RBIS: variants seen among roughly 807,000 people sequenced by gnomAD.
RBIS encodes the protein ribosome biogenesis factor identified in screen.
Under a neutral mutation model 9.8 loss-of-function variants are expected in RBIS, and 9 were observed. The ratio of observed to expected loss-of-function variants is 0.92; its 90% CI spans 0.56 to 1.61. The LOEUF (loss-of-function observed/expected upper bound fraction) is 1.61, where lower values mean the gene tolerates loss of function less well. Ranked by LOEUF, RBIS falls within the 40% of genes most tolerant of loss-of-function variation. The pLI is 0.00. For missense variants in RBIS, 103 were observed against 116.0 expected, an observed-to-expected ratio of 0.89 and a Z score of 0.51; for synonymous variants, 35 against 37.9, an observed-to-expected ratio of 0.92 and a Z score of 0.28.
chr8:85,217,847 A>T, intron 1 of RBIS: 1 of 209,614 alleles, frequency 4.8e-6, no homozygotes. Flanking sequence ...CTACTATGCT[A>T]TTCTGGTTCC....
In RBIS at chr8:85,217,432, A is replaced by C. The variant is rs1366273163; in HGVS notation, c.68T>G (p.Phe23Cys). 6.2e-7 allele frequency: 1 copy of C among 1,612,932 alleles called. No homozygotes were observed. Among genetic ancestry groups the C allele is most frequent in the Admixed American group, 1.7e-5 (1 of 60,014 alleles). Residue 23 changes from phenylalanine to cysteine, a missense_variant, in exon 2 of 4, where the codon TTT becomes TGT. Phe to Cys is a radical substitution (Grantham distance 205, BLOSUM62 -2). Coordinates refer to ENST00000619594, the MANE Select transcript of RBIS (RefSeq NM_001099673.3). ...NVFHIASQKN[F>C]KAKNKAKPVT... ...TGGTTTTGCTTTGTTTTTAGCCTTA[A>C]AGTTTTTTTGGCTGGCTATGTGAAA...
chr8:85,215,097 T>C (rs534051233), intron 2 of RBIS, 60 bp from the exon 3 acceptor site: 2 of 677,010 alleles, frequency 3.0e-6, no homozygotes, highest in South Asian at 4.2e-5. Flanking sequence ...ATAAGATATA[T>C]TCAACCTTAA....
rs551320541 is a variant in RBIS at position 85,218,257 on chromosome 8, C to T, written c.-3-755G>A. On this transcript the variant is annotated intron_variant, in intron 1 of 3. Transcript: ENST00000619594. Reference sequence around the variant, plus strand: ...TCCTTACAACCCTTTGTAAGAAGTACTATTATCCCCATTTTAAAGATTAAA... The same window carrying T: ...TCCTTACAACCCTTTGTAAGAAGTATTATTATCCCCATTTTAAAGATTAAA... Among the ~76,000 whole-genome samples, 6 of 152,142 alleles carry T rather than the reference C, an allele frequency of 3.9e-5. No homozygotes were observed. In the South Asian group the frequency reaches 1.2e-3, roughly 32 times the overall value.
Position 85,214,473 on chromosome 8 carries a change from G to T in RBIS, c.*87C>A. The T allele has an allele frequency of 2.2e-6, 2 of 917,766 alleles. No individual in the cohort carries two copies. The highest frequency in any genetic ancestry group is 3.5e-6 in the Non-Finnish European group (2 of 566,430). 56.9% of individuals were successfully genotyped at this position (917,766 alleles called of 1,614,324 possible). A position where few individuals can be genotyped will look rare whatever the true frequency, so the allele number is the denominator to read the frequency against. Reference sequence around the variant, plus strand: ...TTGTTTTTAAAATGTGCCAATGCCTGTACATTAACAAGATTTTTAAAAATA... The same window carrying T: ...TTGTTTTTAAAATGTGCCAATGCCTTTACATTAACAAGATTTTTAAAAATA... On this transcript the variant is annotated 3_prime_UTR_variant, in exon 4 of 4. Transcript: ENST00000619594.
At chr8:85,215,488 C>T (rs576873847) in intron 2 of RBIS, 3 of 152,342 alleles carry the variant, frequency 2.0e-5, no homozygotes, top group Non-Finnish European at 2.9e-5. Context: ...ACTTTCTGCT[C>T]CAGAGGAGTG....
In RBIS at chr8:85,214,582, G is replaced by A. The variant is rs748866461; in HGVS notation, c.281C>T (p.Thr94Ile). 10 of 1,577,350 alleles carry A rather than the reference G, an allele frequency of 6.3e-6. No homozygotes were observed. The Admixed American group carries it at 1.2e-4, about 18-fold the overall frequency. ...ATATTACAACAGAGCCATTAATCTT[G>A]TAGCTTCATCAACATTAACTGGTTT... ...ESKPVNVDEA[T>I]RLMALL Residue 94 changes from threonine to isoleucine, a missense_variant, in exon 4 of 4, where the codon ACA (threonine) becomes ATA (isoleucine). Coordinates refer to ENST00000619594, the MANE Select transcript of RBIS (RefSeq NM_001099673.3).
Position 85,214,438 on chromosome 8 carries a change from T to C in RBIS, c.*122A>G. 1 of 716,234 alleles carries C rather than the reference T, an allele frequency of 1.4e-6. No individual in the cohort carries two copies. The highest frequency in any genetic ancestry group is 1.8e-5 in the African/African-American group (1 of 55,400). 44.4% of individuals were successfully genotyped at this position (716,234 alleles called of 1,614,324 possible). ...TTTCCTAGGTTATAGGAAAGATCTGTTTATGTAGTTTGTTTTTAAAATGTG... is the reference window on the plus strand; with the variant it reads ...TTTCCTAGGTTATAGGAAAGATCTGCTTATGTAGTTTGTTTTTAAAATGTG... On this transcript the variant is annotated 3_prime_UTR_variant, in exon 4 of 4. Coordinates refer to ENST00000619594, the MANE Select transcript of RBIS (RefSeq NM_001099673.3).
At chr8:85,217,859 A>G (rs770706170) in intron 1 of RBIS, among the ~76,000 whole-genome samples, 12 of 152,184 alleles carry the variant, frequency 7.9e-5, no homozygotes, top group African/African-American at 2.4e-4. Flanking sequence ...TCTGGTTCCT[A>G]TCATACTTTA....
chr8:85,218,421 A>C (rs1813229619), intron 1 of RBIS, among the ~76,000 whole-genome samples: 1 of 152,086 alleles, frequency 6.6e-6, no homozygotes, highest in Non-Finnish European at 1.5e-5. Context: ...TAAATATAAA[A>C]GCTATACAAA....
chr8:85,214,517 A>T lies in RBIS; in HGVS notation c.*43T>A. On this transcript the variant is annotated 3_prime_UTR_variant, in exon 4 of 4. Transcript: ENST00000619594. Reference sequence around the variant, plus strand: ...AAAAATAAAATTGTATAAAACATTCAATTTATTGGTCTTTGTGGAGAATTA... The same window carrying T: ...AAAAATAAAATTGTATAAAACATTCTATTTATTGGTCTTTGTGGAGAATTA... The T allele has an allele frequency of 7.9e-7, 1 of 1,265,072 alleles. No individual in the cohort carries two copies. Among genetic ancestry groups the T allele is most frequent in the Non-Finnish European group, 1.1e-6 (1 of 875,582 alleles). The allele number at this position is 1,265,072 out of a possible 1,614,324, so 78.4% of individuals were successfully genotyped here.
intron 3 of RBIS, 128 bp from the exon 4 acceptor site, chr8:85,214,759 C>T (rs1245720969): frequency 4.1e-5 from 32 of 784,752 alleles, no homozygotes; most frequent in Non-Finnish European, 6.7e-5. Flanking sequence ...TATATTCTGA[C>T]AATGTTTTAG....
At chr8:85,218,983 C>A (rs1312762578) in intron 1 of RBIS, 2 of 152,256 alleles carry the variant, frequency 1.3e-5, no homozygotes, top group Admixed American at 6.5e-5. Context: ...TCTGCCAACT[C>A]CTGGCTTAAG....
At chr8:85,217,819 CTTCT>C (rs1174160939) in intron 1 of RBIS, 3 of 313,680 alleles carry the variant, frequency 9.6e-6, no homozygotes, top group Non-Finnish European at 1.8e-5. Context: ...ACCACCCATC[CTTCT>C]GTTAGTCTAT....
chr8:85,215,036 ATCTTT>A lies in RBIS; in HGVS notation c.115-4_115del. The A allele has an allele frequency of 7.9e-7, 1 of 1,266,774 alleles. No homozygotes were observed. Among genetic ancestry groups the A allele is most frequent in the Non-Finnish European group, 1.1e-6 (1 of 895,964 alleles). 78.5% of individuals were successfully genotyped at this position (1,266,774 alleles called of 1,614,324 possible). A position where few individuals can be genotyped will look rare whatever the true frequency, so the allele number is the denominator to read the frequency against. On this transcript the variant is annotated splice_acceptor_variant and splice_polypyrimidine_tract_variant and coding_sequence_variant and intron_variant, in exon 3 of 4. Transcript: ENST00000619594. LOFTEE classifies it high-confidence loss of function. ...AACTTTTTCCTCATTCATAATGTTT[ATCTTT>A]TAAAAAGAAAAAAAGCATTAATCTA...
intron 3 of RBIS, 36 bp from the exon 4 acceptor site, chr8:85,214,667 C>T (rs1197496213): frequency 1.1e-5 from 14 of 1,261,046 alleles, no homozygotes; most frequent in Middle Eastern, 1.9e-4. Context: ...AAAACACAGA[C>T]AACAATAGCA....
chr8:85,215,092 A>C, intron 2 of RBIS, 55 bp from the exon 3 acceptor site: 1 of 705,780 alleles, frequency 1.4e-6, no homozygotes, highest in East Asian at 2.9e-5. Flanking sequence ...TAAAGATAAG[A>C]TATATTCAAC....
rs1166790478 is a variant in RBIS at position 85,214,842 on chromosome 8, C to T, written c.231+79G>A. On this transcript the variant is annotated intron_variant, in intron 3 of 3. Transcript: ENST00000619594. ...AGTACTAAAAATTACACTCAACTTA[C>T]AGGCTTTGAAAACTTGGGAGTTTAA... 11 of 841,342 alleles carry T rather than the reference C, an allele frequency of 1.3e-5. No individual in the cohort carries two copies. The East Asian group carries it at 1.6e-4, about 12-fold the overall frequency. 52.1% of individuals were successfully genotyped at this position (841,342 alleles called of 1,614,324 possible). A position where few individuals can be genotyped will look rare whatever the true frequency, so the allele number is the denominator to read the frequency against.
chr8:85,217,516 T>G lies in RBIS; in HGVS notation c.-3-14A>C. On this transcript the variant is annotated splice_polypyrimidine_tract_variant and intron_variant, in intron 1 of 3. Coordinates refer to ENST00000619594, the MANE Select transcript of RBIS (RefSeq NM_001099673.3). ...CTTGGCCATTGTCTAGAAAAGAAAATAAATTCAATTAAATTGCCCACATTT... is the reference window on the plus strand; with the variant it reads ...CTTGGCCATTGTCTAGAAAAGAAAAGAAATTCAATTAAATTGCCCACATTT... 1 of 1,436,136 alleles carries G rather than the reference T, an allele frequency of 7.0e-7. No individual in the cohort carries two copies. Among genetic ancestry groups the G allele is most frequent in the Non-Finnish European group, 9.8e-7 (1 of 1,022,682 alleles). 89.0% of individuals were successfully genotyped at this position (1,436,136 alleles called of 1,614,324 possible). A position where few individuals can be genotyped will look rare whatever the true frequency, so the allele number is the denominator to read the frequency against.
Position 85,214,492 on chromosome 8 carries a change from A to C in RBIS, c.*68T>G. The C allele has an allele frequency of 4.5e-6, 5 of 1,120,982 alleles. No individual in the cohort carries two copies. Among genetic ancestry groups the C allele is most frequent in the Non-Finnish European group, 6.7e-6 (5 of 748,528 alleles). The allele number at this position is 1,120,982 out of a possible 1,614,324, so 69.4% of individuals were successfully genotyped here. ...ATGCCTGTACATTAACAAGATTTTT[A>C]AAAATAAAATTGTATAAAACATTCA... On this transcript the variant is annotated 3_prime_UTR_variant, in exon 4 of 4. Coordinates refer to ENST00000619594, the MANE Select transcript of RBIS (RefSeq NM_001099673.3).
Sources: gnomAD v4.1 joint callset for allele counts (sites outside exome capture counted in the v4.1 genomes callset) on GRCh38, gnomAD v4.1.1 for gene constraint, MANE v1.5 for transcripts, NCBI Gene and HGNC (gene_info 2026-07-23, HGNC 2026-07-21) for gene names.